NTNG1: variants seen among roughly 807,000 people sequenced by gnomAD.
NTNG1 encodes the protein netrin G1.
NTNG1 carries 16 observed loss-of-function variants against 54.0 expected under a neutral mutation model. That is an observed-to-expected ratio of 0.30 (90% CI 0.20 to 0.45). The LOEUF (loss-of-function observed/expected upper bound fraction) is 0.45. Ranked by LOEUF, NTNG1 falls within the 20% of genes least tolerant of loss-of-function variation. NTNG1 has a pLI of 1.00. For missense variants in NTNG1, 530 were observed against 678.7 expected (o/e 0.78, Z 2.43); for synonymous variants, 255 against 263.1 (o/e 0.97, Z 0.30).
intron 2 of NTNG1, among the ~76,000 whole-genome samples, chr1:107,166,370 C>T (rs116562641): frequency 6.6e-6 from 1 of 152,248 alleles, no homozygotes; most frequent in African/African-American, 2.4e-5. Context: ...CTGCTCAGCT[C>T]TCCTTGTGTT....
chr1:107,432,055 G>T (rs675687), intron 6 of NTNG1, among the ~76,000 whole-genome samples: 1 of 152,030 alleles, frequency 6.6e-6, no homozygotes, highest in South Asian at 2.1e-4. Context: ...AGTACTTTCT[G>T]TATTTCAGAG....
At chr1:107,252,623 G>T (rs1208400136) in intron 2 of NTNG1, among the ~76,000 whole-genome samples, 1 of 152,116 alleles carries the variant, frequency 6.6e-6, no homozygotes, top group Admixed American at 6.5e-5. Context: ...CACATGAGTG[G>T]ATTGAGTTTG....
At chr1:107,263,047 C>G (rs926245751) in intron 2 of NTNG1, among the ~76,000 whole-genome samples, 10 of 152,112 alleles carry the variant, frequency 6.6e-5, no homozygotes, top group African/African-American at 2.4e-4. Context: ...AGTTACTGTG[C>G]AAACAATTCT....
rs374407970 is a variant in NTNG1 at position 107,440,245 on chromosome 1, T to C, written c.1390+3446T>C. Among the ~76,000 whole-genome samples the C allele has an allele frequency of 9.2e-5, 14 of 152,150 alleles. No homozygotes were observed. In the East Asian group the frequency reaches 2.5e-3, roughly 27 times the overall value. On this transcript the variant is annotated intron_variant, in intron 7 of 7. Coordinates refer to ENST00000370068, the MANE Select transcript of NTNG1 (RefSeq NM_001113226.3). ...GATTGTCAAAAGGAGCCATGTGGAA[T>C]TGTGGTCCAAAAGGACTTGGGTTTG...
At chr1:107,205,635 A>C (rs1001977832) in intron 2 of NTNG1, among the ~76,000 whole-genome samples, 5 of 150,764 alleles carry the variant, frequency 3.3e-5, no homozygotes, top group Admixed American at 6.6e-5. Flanking sequence ...TTTAAAAAAA[A>C]CTATATAATC....
chr1:107,341,771 C>G (rs1668910250), intron 3 of NTNG1, among the ~76,000 whole-genome samples: 1 of 152,062 alleles, frequency 6.6e-6, no homozygotes, highest in Non-Finnish European at 1.5e-5. Flanking sequence ...TTTGGGATTT[C>G]TTTTTCATAG....
At chr1:107,291,302 T>C (rs1038546986) in intron 2 of NTNG1, among the ~76,000 whole-genome samples, 4 of 152,166 alleles carry the variant, frequency 2.6e-5, no homozygotes, top group Non-Finnish European at 5.9e-5. Flanking sequence ...ATATAATACA[T>C]ATAACATAGA....
chr1:107,418,091 G>GAAAT (rs1051853421), intron 5 of NTNG1, among the ~76,000 whole-genome samples: 2 of 151,910 alleles, frequency 1.3e-5, no homozygotes, highest in Non-Finnish European at 2.9e-5. Context: ...ATAAAAATAG[G>GAAAT]AAATATATCC....
At chr1:107,207,003 C>T (rs561245247) in intron 2 of NTNG1, among the ~76,000 whole-genome samples, 56 of 152,164 alleles carry the variant, frequency 3.7e-4, no homozygotes, top group Middle Eastern at 3.4e-3. Context: ...GAGATTTCTG[C>T]CTAGTAATTT....
chr1:107,436,923 A>G (rs182115031), intron 7 of NTNG1, 124 bp downstream of exon 7: 8 of 865,246 alleles, frequency 9.2e-6, no homozygotes, highest in East Asian at 2.7e-5. Flanking sequence ...TTTAAAAGCT[A>G]CTTAATGCTG....
intron 2 of NTNG1, among the ~76,000 whole-genome samples, chr1:107,154,723 A>C (rs1026662013): frequency 6.6e-6 from 1 of 151,258 alleles, no homozygotes; most frequent in East Asian, 1.9e-4. Flanking sequence ...GCCAGGATGG[A>C]AGAGGAACAA....
chr1:107,346,279 T>G (rs1049133475), intron 3 of NTNG1, among the ~76,000 whole-genome samples: 8 of 152,178 alleles, frequency 5.3e-5, no homozygotes, highest in African/African-American at 1.9e-4. Flanking sequence ...GCTCTGGGTA[T>G]AGATTTACTA....
intron 7 of NTNG1, among the ~76,000 whole-genome samples, chr1:107,460,133 G>T (rs1677193737): frequency 6.6e-6 from 1 of 152,126 alleles, no homozygotes; most frequent in South Asian, 2.1e-4. Context: ...GCAAGCTAAG[G>T]CCCGTTTCCT....
chr1:107,290,374 G>C (rs1017014796), intron 2 of NTNG1, among the ~76,000 whole-genome samples: 1 of 152,156 alleles, frequency 6.6e-6, no homozygotes, highest in African/African-American at 2.4e-5. Flanking sequence ...TAGAAAAAAA[G>C]AGTATGGAGA....
intron 2 of NTNG1, among the ~76,000 whole-genome samples, chr1:107,248,277 G>A (rs761979212): frequency 5.3e-5 from 8 of 152,282 alleles, no homozygotes; most frequent in Admixed American, 1.3e-4. Flanking sequence ...GAATGAGAAT[G>A]GTGAGGATTC....
intron 2 of NTNG1, among the ~76,000 whole-genome samples, chr1:107,173,802 C>T (rs1656441557): frequency 6.9e-6 from 1 of 143,894 alleles, no homozygotes; most frequent in South Asian, 2.2e-4. Context: ...GAAGAAAATA[C>T]TTCAGAGTCA....
rs1332512448 is a variant in NTNG1, at chr1:107,480,835, T to C, written c.1615T>C (p.Phe539Leu). 6.4e-7 allele frequency: 1 copy of C among 1,558,472 alleles called. No homozygotes were observed. The highest frequency in any genetic ancestry group is 8.7e-7 in the Non-Finnish European group (1 of 1,151,874). The stretch of plus-strand genomic sequence containing the variant: ...GCTGGGAACCGCCAGCCCCCTGGTG[T>C]TCTAGGTGTCACCTCCAGCCACACC... ...TLLGTASPLVF is the reference protein window; with the variant it reads ...TLLGTASPLVL Residue 539 changes from phenylalanine to leucine, a missense_variant, in exon 8 of 8, where the codon TTC becomes CTC. This residue lies in a region of NTNG1 where 212 missense variants were observed against 213.6 expected (regional missense o/e 0.99). Coordinates refer to ENST00000370068, the MANE Select transcript of NTNG1 (RefSeq NM_001113226.3).
At chr1:107,267,642 C>A (rs1663838693) in intron 2 of NTNG1, among the ~76,000 whole-genome samples, 1 of 152,140 alleles carries the variant, frequency 6.6e-6, no homozygotes, top group Admixed American at 6.5e-5. Context: ...TACTGTCAGT[C>A]CCCAGGGTGT....
chr1:107,191,253 T>C (rs1477345391), intron 2 of NTNG1, among the ~76,000 whole-genome samples: 10,249 of 151,016 alleles, frequency 0.068, 1,122 homozygotes, highest in African/African-American at 0.24. Context: ...TCATATCCTT[T>C]GCCCACTTTT....
Sources: gnomAD v4.1 joint callset for allele counts (sites outside exome capture counted in the v4.1 genomes callset) on GRCh38, gnomAD v4.1.1 for gene constraint, gnomAD v4.1.1 regional missense constraint, MANE v1.5 for transcripts, NCBI Gene and HGNC (gene_info 2026-07-23, HGNC 2026-07-21) for gene names.